The following ERBB4 variants were observed in gnomAD, a reference collection of about 807,000 sequenced individuals.
The protein encoded by ERBB4 is receptor tyrosine-protein kinase erbB-4.
Under a neutral mutation model 158.0 loss-of-function variants are expected in ERBB4, and 42 were observed. That is an observed-to-expected ratio of 0.27 (90% CI 0.21 to 0.34). The LOEUF (loss-of-function observed/expected upper bound fraction) is 0.34, where lower values mean the gene tolerates loss of function less well. ERBB4 is among the 10% of genes least tolerant of loss of function. The pLI is 1.00. For missense variants in ERBB4, 1,333 were observed against 1,624.1 expected (o/e 0.82, Z 3.08); for synonymous variants, 583 against 558.7 (o/e 1.04, Z -0.61).
Position 211,619,209 on chromosome 2 carries a change from T to C in ERBB4, c.2269A>G (p.Thr757Ala). Residue 757 changes from threonine (T) to alanine (A), a missense_variant, in exon 19 of 28, where the codon ACT (threonine) becomes GCT (alanine). Thr to Ala is a moderately conservative substitution (Grantham distance 58). This residue lies in a region of ERBB4 where 314 missense variants were observed against 437.6 expected (regional missense o/e 0.72). Coordinates refer to ENST00000342788, the MANE Select transcript of ERBB4 (RefSeq NM_005235.3). ...PVAIKILNET[T>A]GPKANVEFMD... Reference sequence around the variant, plus strand: ...AACTCCACATTTGCCTTGGGACCAGTTGTCTCATTAAGAATCTTAATAGCC... The same window carrying C: ...AACTCCACATTTGCCTTGGGACCAGCTGTCTCATTAAGAATCTTAATAGCC... The C allele has an allele frequency of 2.5e-6, 4 of 1,611,874 alleles. No individual in the cohort carries two copies. Among genetic ancestry groups the C allele is most frequent in the East Asian group, 2.2e-5 (1 of 44,808 alleles).
At chr2:212,108,074 C>A (rs1485520208) in intron 2 of ERBB4, among the ~76,000 whole-genome samples, 1 of 151,856 alleles carries the variant, frequency 6.6e-6, no homozygotes, top group Non-Finnish European at 1.5e-5. Flanking sequence ...AAATATATAC[C>A]AGATTATACT....
At chr2:212,440,709 T>G (rs1336870765) in intron 1 of ERBB4, among the ~76,000 whole-genome samples, 2 of 152,194 alleles carry the variant, frequency 1.3e-5, no homozygotes, top group Admixed American at 6.5e-5. Flanking sequence ...GTACTTGACA[T>G]GAACTGTTTA....
intron 1 of ERBB4, among the ~76,000 whole-genome samples, chr2:212,447,820 C>A (rs1424557212): frequency 1.4e-5 from 2 of 144,268 alleles, no homozygotes; most frequent in African/African-American, 5.2e-5. Context: ...TCAACATGGG[C>A]AACTAACATT....
chr2:212,411,381 T>A (rs2091495412), intron 1 of ERBB4, among the ~76,000 whole-genome samples: 1 of 152,146 alleles, frequency 6.6e-6, no homozygotes, highest in East Asian at 1.9e-4. Flanking sequence ...TTGTAAAACC[T>A]AACCTAAAGT....
intron 1 of ERBB4, among the ~76,000 whole-genome samples, chr2:212,396,043 C>T (rs1003058848): frequency 7.2e-5 from 11 of 152,014 alleles, no homozygotes; most frequent in African/African-American, 2.7e-4. Flanking sequence ...GTTTTATGTG[C>T]TTTAGGATGT....
At chr2:211,906,460 T>A (rs1215821742) in intron 3 of ERBB4, among the ~76,000 whole-genome samples, 3 of 152,088 alleles carry the variant, frequency 2.0e-5, no homozygotes, top group Non-Finnish European at 4.4e-5. Flanking sequence ...ATGTTAATAT[T>A]ATAGATAGTT....
intron 1 of ERBB4, among the ~76,000 whole-genome samples, chr2:212,517,289 A>G (rs1560534367): frequency 1.3e-5 from 2 of 152,136 alleles, no homozygotes; most frequent in African/African-American, 2.4e-5. Context: ...CCTGAATTAC[A>G]GAAGTTTAAA....
At chr2:211,861,266 G>A (rs1332016960) in intron 3 of ERBB4, among the ~76,000 whole-genome samples, 3 of 137,794 alleles carry the variant, frequency 2.2e-5, no homozygotes, top group Non-Finnish European at 4.6e-5. Context: ...CTGGGCTCAA[G>A]CACTCTACCT....
intron 3 of ERBB4, among the ~76,000 whole-genome samples, chr2:211,945,540 A>G (rs988827922): frequency 3.3e-5 from 5 of 152,090 alleles, no homozygotes; most frequent in African/African-American, 1.2e-4. Flanking sequence ...TTAATTATCC[A>G]TTTGTACTAT....
At chr2:211,875,090 G>T in intron 3 of ERBB4, among the ~76,000 whole-genome samples, 1 of 118,752 alleles carries the variant, frequency 8.4e-6, no homozygotes, top group Non-Finnish European at 1.7e-5. Context: ...GGAACATGCA[G>T]ATAACGTTTT....
At chr2:212,525,024 A>C (rs1692373060) in intron 1 of ERBB4, among the ~76,000 whole-genome samples, 1 of 151,950 alleles carries the variant, frequency 6.6e-6, no homozygotes, top group South Asian at 2.1e-4. Flanking sequence ...GGTACCAGGG[A>C]AACTCAATCA....
In ERBB4 at chr2:212,415,819, CT is replaced by C. The variant is rs529274680; in HGVS notation, c.82+122629del. 9.8e-3 allele frequency among the ~76,000 whole-genome samples: 1,493 copies of C among 152,178 alleles called. 23 individuals are homozygous for C. The highest frequency in any genetic ancestry group is 0.034 in the African/African-American group (1,431 of 41,532). On this transcript the variant is annotated intron_variant, in intron 1 of 27. Transcript: ENST00000342788. ...AAATAATTTACAAAGTGCTAGTTTTCTGTGTTGATATCCAAATGTGGAATGA... is the reference window on the plus strand; with the variant it reads ...AAATAATTTACAAAGTGCTAGTTTTCGTGTTGATATCCAAATGTGGAATGA...
intron 1 of ERBB4, among the ~76,000 whole-genome samples, chr2:212,261,705 A>G (rs1574545454): frequency 6.6e-6 from 1 of 152,254 alleles, no homozygotes; most frequent in East Asian, 1.9e-4. Context: ...AAGATGGGTA[A>G]TAATATAAAG....
intron 3 of ERBB4, among the ~76,000 whole-genome samples, chr2:211,861,100 A>T (rs1484128973): frequency 0.014 from 399 of 28,028 alleles, 42 homozygotes; most frequent in African/African-American, 0.049. Flanking sequence ...ATATAAATAC[A>T]TTATATATAT....
intron 2 of ERBB4, among the ~76,000 whole-genome samples, chr2:211,972,949 T>C (rs951252927): frequency 6.6e-6 from 1 of 152,086 alleles, no homozygotes; most frequent in Non-Finnish European, 1.5e-5. Context: ...CAAAAGAAAC[T>C]ATCAACAGAG....
intron 5 of ERBB4, among the ~76,000 whole-genome samples, chr2:211,734,750 C>G (rs538275905): frequency 6.6e-6 from 1 of 151,066 alleles, no homozygotes; most frequent in East Asian, 2.0e-4. Context: ...GAAACCCCAT[C>G]TCTACTGAAA....
chr2:212,493,537 A>G (rs1444616767), intron 1 of ERBB4, among the ~76,000 whole-genome samples: 1 of 151,664 alleles, frequency 6.6e-6, no homozygotes, highest in Non-Finnish European at 1.5e-5. Flanking sequence ...GCTCAGTATC[A>G]GTCATATTTA....
At chr2:212,358,098 C>T (rs1340272292) in intron 1 of ERBB4, among the ~76,000 whole-genome samples, 1 of 151,808 alleles carries the variant, frequency 6.6e-6, no homozygotes, top group African/African-American at 2.4e-5. Context: ...AATATTCAAA[C>T]TATTATTTAT....
intron 1 of ERBB4, among the ~76,000 whole-genome samples, chr2:212,440,784 T>C (rs534142890): frequency 6.6e-6 from 1 of 152,320 alleles, no homozygotes; most frequent in Non-Finnish European, 1.5e-5. Context: ...GCAAAGAGTT[T>C]AGTGACTCTA....
Sources: allele counts gnomAD v4.1 joint callset (sites outside exome capture counted in the v4.1 genomes callset), GRCh38; gene constraint gnomAD v4.1.1; regional missense constraint gnomAD v4.1.1; transcripts MANE v1.5; gene names NCBI Gene and HGNC (gene_info 2026-07-23, HGNC 2026-07-21).